The following GRM1 variants were observed in gnomAD, a reference collection of about 807,000 sequenced individuals.
The protein encoded by GRM1 is glutamate metabotropic receptor 1.
GRM1 carries 33 observed loss-of-function variants against 90.9 expected under a neutral mutation model. That is an observed-to-expected ratio of 0.36 (90% CI 0.28 to 0.49). The LOEUF is 0.49. GRM1 is among the 20% of genes least tolerant of loss of function. The pLI, the probability that GRM1 is intolerant of heterozygous loss-of-function variation, is 0.99. For missense variants in GRM1, 1,190 were observed against 1,534.3 expected, an observed-to-expected ratio of 0.78 and a Z score of 3.75; for synonymous variants, 700 against 613.2, an observed-to-expected ratio of 1.14 and a Z score of -2.09.
At chr6:146,086,601 G>A (rs2128865705) in intron 1 of GRM1, among the ~76,000 whole-genome samples, 1 of 151,942 alleles carries the variant, frequency 6.6e-6, no homozygotes, top group Admixed American at 6.6e-5. Context: ...TAATACCTAA[G>A]TTTCAGGTCA....
At chr6:146,099,562 T>C (rs1052993439) in intron 1 of GRM1, among the ~76,000 whole-genome samples, 5 of 152,204 alleles carry the variant, frequency 3.3e-5, no homozygotes, top group African/African-American at 1.2e-4. Context: ...CCTGGCTTTA[T>C]AGTGTTAATG....
chr6:146,236,076 A>T (rs1331463781), intron 2 of GRM1, among the ~76,000 whole-genome samples: 1 of 152,126 alleles, frequency 6.6e-6, no homozygotes, highest in Non-Finnish European at 1.5e-5. Context: ...GAGTTATGTC[A>T]TTCCTGTTTG....
chr6:146,174,404 T>C (rs1261739788), intron 2 of GRM1, among the ~76,000 whole-genome samples: 2 of 152,226 alleles, frequency 1.3e-5, no homozygotes, highest in African/African-American at 4.8e-5. Flanking sequence ...ATATAGTTCT[T>C]AAATTTTACT....
intron 2 of GRM1, among the ~76,000 whole-genome samples, chr6:146,209,105 T>G (rs1424357338): frequency 6.6e-6 from 1 of 152,158 alleles, no homozygotes; most frequent in Admixed American, 6.6e-5. Context: ...AATAGAGACC[T>G]AAGTCATTTC....
At position 146,058,352 on chromosome 6, in the gene GRM1, T is replaced by C. The variant is rs143373924; in HGVS notation, c.700+28135T>C. Among the ~76,000 whole-genome samples, 27 of 152,288 alleles carry C rather than the reference T, an allele frequency of 1.8e-4. No homozygotes were observed. In the East Asian group the frequency reaches 5.0e-3, roughly 28 times the overall value. On this transcript the variant is annotated intron_variant, in intron 1 of 7. Coordinates refer to ENST00000282753, the MANE Select transcript of GRM1 (RefSeq NM_001278064.2). Reference sequence around the variant, plus strand: ...AGTGAGTCACACCTATTTTTTGGTTTTCAGTGTATATTAAACTTATGTTTA... The same window carrying C: ...AGTGAGTCACACCTATTTTTTGGTTCTCAGTGTATATTAAACTTATGTTTA...
At chr6:146,398,292 C>G (rs556874361) in intron 6 of GRM1, among the ~76,000 whole-genome samples, 61 of 152,314 alleles carry the variant, frequency 4.0e-4, no homozygotes, top group African/African-American at 1.4e-3. Context: ...ATTGAAAACA[C>G]TCTGCTGGCC....
At chr6:146,237,496 T>A (rs902272790) in intron 2 of GRM1, among the ~76,000 whole-genome samples, 1 of 152,116 alleles carries the variant, frequency 6.6e-6, no homozygotes, top group Admixed American at 6.6e-5. Context: ...TTACAAATAG[T>A]TATTTGTAAA....
intron 1 of GRM1, among the ~76,000 whole-genome samples, chr6:146,140,712 C>G (rs1776844946): frequency 6.6e-6 from 1 of 152,158 alleles, no homozygotes. Flanking sequence ...AATAAAAACT[C>G]TACGCTTCAA....
chr6:146,291,359 G>T (rs1782975431), intron 2 of GRM1, among the ~76,000 whole-genome samples: 1 of 150,594 alleles, frequency 6.6e-6, no homozygotes, highest in Non-Finnish European at 1.5e-5. Flanking sequence ...ACAGAAATAT[G>T]TATATATTAT....
intron 3 of GRM1, among the ~76,000 whole-genome samples, chr6:146,338,130 G>GAAAAATAA (rs1437651794): frequency 6.6e-6 from 1 of 152,136 alleles, no homozygotes; most frequent in East Asian, 1.9e-4. Flanking sequence ...GTGCAAACAG[G>GAAAAATAA]AAAAATAAAA....
chr6:146,156,019 G>A (rs1344311204), intron 1 of GRM1, among the ~76,000 whole-genome samples: 1 of 152,210 alleles, frequency 6.6e-6, no homozygotes, highest in Non-Finnish European at 1.5e-5. Flanking sequence ...CTAGGGAAGA[G>A]CTGATATTTA....
At chr6:146,355,753 T>G (rs1785560132) in intron 4 of GRM1, among the ~76,000 whole-genome samples, 1 of 151,872 alleles carries the variant, frequency 6.6e-6, no homozygotes, top group Admixed American at 6.6e-5. Flanking sequence ...CCTCCTGGAG[T>G]GTTAGGCTGA....
chr6:146,301,383 G>A (rs79299472), intron 2 of GRM1, among the ~76,000 whole-genome samples: 1,733 of 152,238 alleles, frequency 0.011, 73 homozygotes, highest in East Asian at 0.079. Flanking sequence ...TTCAATGCTG[G>A]TGGGCTCAAG....
intron 5 of GRM1, among the ~76,000 whole-genome samples, chr6:146,377,769 GA>G (rs1776162065): frequency 6.6e-6 from 1 of 152,012 alleles, no homozygotes; most frequent in Non-Finnish European, 1.5e-5. Context: ...GGCCTAGGAG[GA>G]AAAAAAGGCT....
At chr6:146,367,423 T>A (rs924663685) in intron 5 of GRM1, among the ~76,000 whole-genome samples, 3 of 152,118 alleles carry the variant, frequency 2.0e-5, no homozygotes, top group Non-Finnish European at 2.9e-5. Flanking sequence ...TTTTTTTTTC[T>A]ATTTTTATTT....
chr6:146,160,699 G>C (rs183507597), intron 2 of GRM1, among the ~76,000 whole-genome samples: 2 of 152,214 alleles, frequency 1.3e-5, no homozygotes, highest in Admixed American at 6.5e-5. Context: ...AATAATGACT[G>C]CAATTCTAGG....
intron 1 of GRM1, among the ~76,000 whole-genome samples, chr6:146,122,582 T>A (rs1306441522): frequency 6.6e-6 from 1 of 152,130 alleles, no homozygotes; most frequent in Non-Finnish European, 1.5e-5. Flanking sequence ...TTTAATGTTT[T>A]CATTCTGTTG....
chr6:146,153,033 C>T (rs1446907099), intron 1 of GRM1, among the ~76,000 whole-genome samples: 1 of 152,096 alleles, frequency 6.6e-6, no homozygotes, highest in Non-Finnish European at 1.5e-5. Flanking sequence ...AGGGTGGGCT[C>T]GTGGCTGGGT....
chr6:146,379,459 A>T (rs1776238016), intron 5 of GRM1, among the ~76,000 whole-genome samples: 1 of 152,096 alleles, frequency 6.6e-6, no homozygotes. Flanking sequence ...AATTTATCTG[A>T]TAGAATTCTG....
Sources: gnomAD v4.1 joint callset for allele counts (sites outside exome capture counted in the v4.1 genomes callset) on GRCh38, gnomAD v4.1.1 for gene constraint, MANE v1.5 for transcripts, NCBI Gene and HGNC (gene_info 2026-07-23, HGNC 2026-07-21) for gene names.